The following UBE2L3 variants were observed in gnomAD, a reference collection of about 807,000 sequenced individuals.
UBE2L3 encodes the protein ubiquitin conjugating enzyme E2 L3, also known as ubiquitin-conjugating enzyme E2 L3.
In UBE2L3, 1 loss-of-function variant was observed where a neutral mutation model predicts 17.8. The observed-to-expected ratio is 0.06, with a 90% CI of 0.02 to 0.27. The LOEUF (loss-of-function observed/expected upper bound fraction) is 0.27, where lower values mean the gene tolerates loss of function less well. Among genes scored for constraint, UBE2L3 ranks in the 10% least tolerant of loss-of-function variants. The probability of loss-of-function intolerance (pLI) is 1.00; values close to 1 mark genes in which losing one functional copy is unlikely to be tolerated. For synonymous variants in UBE2L3, 44 were observed against 68.5 expected, an observed-to-expected ratio of 0.64 and a Z score of 1.76; for missense variants, 40 against 192.6, an observed-to-expected ratio of 0.21 and a Z score of 4.69.
chr22:21,593,730 A>G (rs1928383385), intron 2 of UBE2L3, among the ~76,000 whole-genome samples: 1 of 151,924 alleles, frequency 6.6e-6, no homozygotes. Context: ...CACTGTTGTC[A>G]CACCTCTAGC....
At chr22:21,590,541 A>G (rs766844948) in intron 1 of UBE2L3, among the ~76,000 whole-genome samples, 1 of 152,266 alleles carries the variant, frequency 6.6e-6, no homozygotes, top group Admixed American at 6.5e-5. Flanking sequence ...TTCTGAAACC[A>G]TAAAGTATAT....
At chr22:21,576,801 C>CTTTTTTTTTTT (rs757829734) in intron 1 of UBE2L3, among the ~76,000 whole-genome samples, 1 of 118,142 alleles carries the variant, frequency 8.5e-6, no homozygotes, top group African/African-American at 3.4e-5. Flanking sequence ...CTTCTCTTTC[C>CTTTTTTTTTTT]TTTTTTTTTT....
chr22:21,562,027 C>G (rs1424585728), intron 1 of UBE2L3, among the ~76,000 whole-genome samples: 1 of 152,072 alleles, frequency 6.6e-6, no homozygotes. Context: ...CTCTTGCCTA[C>G]TGGGGAACTC....
At chr22:21,597,223 G>T (rs757219423) in intron 2 of UBE2L3, among the ~76,000 whole-genome samples, 1 of 152,052 alleles carries the variant, frequency 6.6e-6, no homozygotes, top group Non-Finnish European at 1.5e-5. Flanking sequence ...CAAGTGATCT[G>T]TCCGCCTCAG....
rs557339341 is a variant in UBE2L3 at position 21,623,471 on chromosome 22, A to C, written c.*1802A>C. ...ACTCCAGTTTGTAATAAAATGCCAA[A>C]TTCTGTCAGCTATCCAAACAAGCCA... On this transcript the variant is annotated 3_prime_UTR_variant, in exon 4 of 4. Transcript: ENST00000342192. The C allele has an allele frequency of 1.3e-5, 2 of 152,940 alleles. No individual in the cohort carries two copies. The highest frequency in any genetic ancestry group is 3.8e-4 in the East Asian group (2 of 5,328). The allele number at this position is 152,940 out of a possible 1,614,324, so 9.5% of individuals were successfully genotyped here.
chr22:21,609,841 C>T (rs1251895346), intron 2 of UBE2L3, among the ~76,000 whole-genome samples: 1 of 152,082 alleles, frequency 6.6e-6, no homozygotes, highest in Non-Finnish European at 1.5e-5. Flanking sequence ...GCCTGGCCAA[C>T]ATGGTGAAAC....
chr22:21,569,654 G>C (rs1926850613), intron 1 of UBE2L3, among the ~76,000 whole-genome samples: 1 of 152,134 alleles, frequency 6.6e-6, no homozygotes, highest in Admixed American at 6.5e-5. Flanking sequence ...TCTGAGACTG[G>C]CTGAAAGCAA....
upstream of UBE2L3, among the ~76,000 whole-genome samples, chr22:21,567,218 T>C (rs1004408616): frequency 3.3e-5 from 5 of 151,966 alleles, no homozygotes; most frequent in Non-Finnish European, 5.9e-5. Context: ...GGCTGGAGTG[T>C]AGTGGCAAGA....
chr22:21,557,357 ACT>A (rs1431035809), intron 1 of UBE2L3, among the ~76,000 whole-genome samples: 3 of 152,372 alleles, frequency 2.0e-5, no homozygotes, highest in South Asian at 2.1e-4. Context: ...AAAGAGCCAG[ACT>A]CTGTTTCAAA....
At chr22:21,570,364 TTAAG>T (rs1263984464) in intron 1 of UBE2L3, among the ~76,000 whole-genome samples, 10 of 152,222 alleles carry the variant, frequency 6.6e-5, no homozygotes, top group African/African-American at 1.7e-4. Context: ...TGAGTATTTA[TTAAG>T]TATTAGGTTA....
At chr22:21,582,562 G>A (rs1927702840) in intron 1 of UBE2L3, among the ~76,000 whole-genome samples, 1 of 151,814 alleles carries the variant, frequency 6.6e-6, no homozygotes, top group African/African-American at 2.4e-5. Flanking sequence ...TTTCACTATT[G>A]TTGCCCAGCC....
At chr22:21,575,466 G>C (rs1927224154) in intron 1 of UBE2L3, among the ~76,000 whole-genome samples, 1 of 145,720 alleles carries the variant, frequency 6.9e-6, no homozygotes, top group Admixed American at 6.8e-5. Context: ...GTGCATGCCT[G>C]TAATCCCAGC....
intron 2 of UBE2L3, among the ~76,000 whole-genome samples, chr22:21,602,471 G>A (rs1459718496): frequency 2.6e-5 from 4 of 152,184 alleles, no homozygotes; most frequent in East Asian, 1.9e-4. Context: ...GACATGAAAC[G>A]GTGACTTCTG....
chr22:21,575,044 G>A (rs912165744), intron 1 of UBE2L3, among the ~76,000 whole-genome samples: 1 of 151,694 alleles, frequency 6.6e-6, no homozygotes, highest in African/African-American at 2.4e-5. Flanking sequence ...ATCACTTGAG[G>A]TCAGGAGTTC....
intron 2 of UBE2L3, among the ~76,000 whole-genome samples, chr22:21,594,781 A>G (rs1259279473): frequency 6.6e-6 from 1 of 151,920 alleles, no homozygotes; most frequent in Non-Finnish European, 1.5e-5. Context: ...GCCCTTGCCT[A>G]CTCTAGGGAC....
intron 1 of UBE2L3, among the ~76,000 whole-genome samples, chr22:21,570,562 TC>T (rs1432429277): frequency 9.2e-5 from 14 of 152,204 alleles, no homozygotes; most frequent in Admixed American, 8.5e-4. Flanking sequence ...ATGCCTCTTG[TC>T]AGGCTGTCTT....
At chr22:21,602,507 C>T (rs986366275) in intron 2 of UBE2L3, among the ~76,000 whole-genome samples, 1 of 152,150 alleles carries the variant, frequency 6.6e-6, no homozygotes, top group Non-Finnish European at 1.5e-5. Context: ...TGGGTCTTTA[C>T]TTGGGAAGGG....
At chr22:21,608,945 A>T (rs1490697797) in intron 2 of UBE2L3, among the ~76,000 whole-genome samples, 3 of 151,500 alleles carry the variant, frequency 2.0e-5, no homozygotes, top group Non-Finnish European at 4.4e-5. Flanking sequence ...TCCAGGCCAG[A>T]CTGCAGTGGC....
upstream of UBE2L3, among the ~76,000 whole-genome samples, chr22:21,566,334 A>C (rs1448076007): frequency 6.6e-6 from 1 of 151,996 alleles, no homozygotes; most frequent in East Asian, 1.9e-4. Context: ...CTGTAATCCC[A>C]CCACTTTGGG....
Sources: allele counts gnomAD v4.1 joint callset (sites outside exome capture counted in the v4.1 genomes callset), GRCh38; gene constraint gnomAD v4.1.1; transcripts MANE v1.5; gene names NCBI Gene and HGNC (gene_info 2026-07-23, HGNC 2026-07-21).